ATP1B3: variants seen among roughly 807,000 people sequenced by gnomAD.
ATP1B3 encodes ATPase Na+/K+ transporting subunit beta 3, also known as sodium/potassium-transporting ATPase subunit beta-3.
In ATP1B3, 10 loss-of-function variants were observed where a neutral mutation model predicts 30.2. That is an observed-to-expected ratio of 0.33 (90% CI 0.20 to 0.56). The LOEUF is 0.56. Among genes scored for constraint, ATP1B3 ranks in the 20% least tolerant of loss-of-function variants. The pLI is 0.90. For missense variants in ATP1B3, 238 were observed against 336.7 expected (o/e 0.71, Z 2.29); for synonymous variants, 113 against 117.0 (o/e 0.97, Z 0.22).
chr3:141,882,298 A>T (rs1577955317), intron 1 of ATP1B3, among the ~76,000 whole-genome samples: 2 of 152,246 alleles, frequency 1.3e-5, no homozygotes, highest in East Asian at 3.8e-4. Flanking sequence ...AGTCACCTGT[A>T]ATCTTTAACC....
intron 1 of ATP1B3, chr3:141,877,434 T>A (rs1296469776): frequency 6.6e-6 from 1 of 152,226 alleles, no homozygotes; most frequent in Non-Finnish European, 1.5e-5. Flanking sequence ...CCCCGACCGG[T>A]CGGAAGAGTG....
chr3:141,920,954 A>G (rs1559874431), intron 5 of ATP1B3, among the ~76,000 whole-genome samples: 1 of 152,170 alleles, frequency 6.6e-6, no homozygotes. Flanking sequence ...CCCACCCCAC[A>G]GCCATATGCT....
chr3:141,894,995 C>T (rs888234104), intron 1 of ATP1B3, among the ~76,000 whole-genome samples: 6 of 151,972 alleles, frequency 3.9e-5, no homozygotes, highest in African/African-American at 1.5e-4. Flanking sequence ...TGCGACATCA[C>T]TAGGCCATAG....
chr3:141,893,631 T>C (rs1468192472), intron 1 of ATP1B3, among the ~76,000 whole-genome samples: 2 of 152,200 alleles, frequency 1.3e-5, no homozygotes, highest in Non-Finnish European at 2.9e-5. Context: ...AACAGCTTTA[T>C]TGAGGTATAA....
At chr3:141,914,842 A>C (rs1934427660) in intron 4 of ATP1B3, among the ~76,000 whole-genome samples, 1 of 152,204 alleles carries the variant, frequency 6.6e-6, no homozygotes, top group Admixed American at 6.5e-5. Context: ...CCTCTGCTTC[A>C]TCCCTTTGGG....
intron 5 of ATP1B3, among the ~76,000 whole-genome samples, chr3:141,917,564 C>T (rs544604258): frequency 1.3e-4 from 20 of 151,856 alleles, no homozygotes; most frequent in African/African-American, 3.6e-4. Context: ...CATGGTGGCA[C>T]GCACCTGTAG....
intron 5 of ATP1B3, 153 bp from the exon 6 acceptor site, chr3:141,921,821 GCTT>G (rs1434255567): frequency 1.4e-5 from 7 of 490,238 alleles, no homozygotes; most frequent in South Asian, 2.5e-5. Flanking sequence ...AGATGAGCAA[GCTT>G]CTTCTCAGAA....
chr3:141,895,453 G>C (rs368098304), intron 1 of ATP1B3, among the ~76,000 whole-genome samples: 100 of 152,164 alleles, frequency 6.6e-4, no homozygotes, highest in African/African-American at 2.4e-3. Flanking sequence ...GCCTCTCAAA[G>C]TACTGGGATT....
In ATP1B3 at chr3:141,876,745, G is replaced by A. The variant is rs1310107024; in HGVS notation, c.-57G>A. 2.1e-5 allele frequency: 29 copies of A among 1,408,448 alleles called. No individual in the cohort carries two copies. Among genetic ancestry groups the A allele is most frequent in the Non-Finnish European group, 2.9e-5 (29 of 1,016,784 alleles). The allele number at this position is 1,408,448 out of a possible 1,614,324, so 87.2% of individuals were successfully genotyped here. Reference sequence around the variant, plus strand: ...GCCGGAGCCGGGACGCGCCTCCGCAGCCCTCGCCGCCTCCATCCCCGCGGC... The same window carrying A: ...GCCGGAGCCGGGACGCGCCTCCGCAACCCTCGCCGCCTCCATCCCCGCGGC... On this transcript the variant is annotated 5_prime_UTR_variant, in exon 1 of 7. Coordinates refer to ENST00000286371, the MANE Select transcript of ATP1B3 (RefSeq NM_001679.4).
intron 1 of ATP1B3, chr3:141,902,314 T>TG (rs1368209484): frequency 2.1e-6 from 2 of 964,252 alleles, no homozygotes; most frequent in Non-Finnish European, 2.9e-6. Flanking sequence ...AAAAGGGGGT[T>TG]GGGGGTGATT....
rs555657657 is a variant in ATP1B3, at chr3:141,915,129, A to C, written c.532-841A>C. On this transcript the variant is annotated intron_variant, in intron 4 of 6. Coordinates refer to ENST00000286371, the MANE Select transcript of ATP1B3 (RefSeq NM_001679.4). ...CCAGTAGAAAGCCAGGAGAGGATCA[A>C]CCTTCTGGGTTTGTTTTCTTTCTCA... Among the ~76,000 whole-genome samples, 6 of 152,298 alleles carry C rather than the reference A, an allele frequency of 3.9e-5. No homozygotes were observed. The East Asian group carries it at 1.2e-3, about 29-fold the overall frequency.
rs1313655873 is a variant in ATP1B3 at position 141,907,084 on chromosome 3, TG to T, written c.239-82del. On this transcript the variant is annotated intron_variant, in intron 2 of 6. Transcript: ENST00000286371. ...TGTCAACACAATTTTCCATGTAATTTGCTGAGATCTGCTTTTTAGAGATAAG... is the reference window on the plus strand; with the variant it reads ...TGTCAACACAATTTTCCATGTAATTTCTGAGATCTGCTTTTTAGAGATAAG... 3.1e-6 allele frequency: 3 copies of T among 973,458 alleles called. No individual in the cohort carries two copies. The African/African-American group carries it at 5.0e-5, about 16-fold the overall frequency. The allele number at this position is 973,458 out of a possible 1,614,324, so 60.3% of individuals were successfully genotyped here.
chr3:141,902,589 T>C (rs918346025), intron 1 of ATP1B3, among the ~76,000 whole-genome samples: 2 of 152,218 alleles, frequency 1.3e-5, no homozygotes, highest in African/African-American at 4.8e-5. Context: ...AGAAAAATAA[T>C]TGATTTTAAG....
intron 1 of ATP1B3, among the ~76,000 whole-genome samples, chr3:141,901,196 T>C (rs1473442118): frequency 6.6e-6 from 1 of 152,230 alleles, no homozygotes; most frequent in African/African-American, 2.4e-5. Context: ...TGTTTTCTGC[T>C]TACATCAAGT....
At position 141,876,912 on chromosome 3, in the gene ATP1B3, T is replaced by C; in HGVS notation, c.109+2T>C. The C allele has an allele frequency of 6.4e-7, 1 of 1,557,986 alleles. No individual in the cohort carries two copies. ...TGGGGCGCACCGCCAAGAGCTGGGG[T>C]GAGCGGGCAGCAGCTGGGCGTCCGG... On this transcript the variant is annotated splice_donor_variant, in intron 1 of 6. Coordinates refer to ENST00000286371, the MANE Select transcript of ATP1B3 (RefSeq NM_001679.4). LOFTEE classifies it high-confidence loss of function.
intron 5 of ATP1B3, among the ~76,000 whole-genome samples, chr3:141,917,307 G>T (rs1934482379): frequency 6.6e-6 from 1 of 152,008 alleles, no homozygotes; most frequent in African/African-American, 2.4e-5. Context: ...GGAAGTTTAT[G>T]GTTTCTCATC....
At chr3:141,888,223 C>T (rs1227455368) in intron 1 of ATP1B3, among the ~76,000 whole-genome samples, 1 of 152,162 alleles carries the variant, frequency 6.6e-6, no homozygotes, top group African/African-American at 2.4e-5. Context: ...CATGGGTAAA[C>T]ATTCCTAATT....
chr3:141,895,535 A>G (rs892447921), intron 1 of ATP1B3, among the ~76,000 whole-genome samples: 5 of 151,936 alleles, frequency 3.3e-5, no homozygotes, highest in African/African-American at 1.2e-4. Flanking sequence ...CTGTGTTTCC[A>G]TGTGTATCCA....
chr3:141,898,767 T>C (rs947398774), intron 1 of ATP1B3, among the ~76,000 whole-genome samples: 2 of 152,208 alleles, frequency 1.3e-5, no homozygotes, highest in Non-Finnish European at 2.9e-5. Flanking sequence ...CATTTATTTA[T>C]ACAAAAACTT....
Sources: allele counts gnomAD v4.1 joint callset (sites outside exome capture counted in the v4.1 genomes callset), GRCh38; gene constraint gnomAD v4.1.1; transcripts MANE v1.5; gene names NCBI Gene and HGNC (gene_info 2026-07-23, HGNC 2026-07-21).